The following KIF21B variants were observed in gnomAD, a reference collection of about 807,000 sequenced individuals.
KIF21B encodes the protein kinesin family member 21B.
A neutral mutation model predicts 192.9 loss-of-function variants in KIF21B; 85 were observed. The observed-to-expected ratio is 0.44, with a 90% CI of 0.37 to 0.53. The LOEUF (loss-of-function observed/expected upper bound fraction) is 0.53. KIF21B is among the 20% of genes least tolerant of loss of function. The pLI, the probability that KIF21B is intolerant of heterozygous loss-of-function variation, is 0.00. For missense variants in KIF21B, 1,716 were observed against 2,194.8 expected (o/e 0.78, Z 4.36); for synonymous variants, 832 against 884.6 (o/e 0.94, Z 1.05).
chr1:200,987,655 TC>T (rs1457403691), intron 24 of KIF21B, among the ~76,000 whole-genome samples: 1 of 152,262 alleles, frequency 6.6e-6, no homozygotes, highest in African/African-American at 2.4e-5. Flanking sequence ...TCTTATGGTT[TC>T]TGGAGAATCC....
At position 200,979,693 on chromosome 1, in the gene KIF21B, G is replaced by C. The variant is rs1170544715; in HGVS notation, c.4002C>G (p.Asn1334Lys). 3.2e-6 allele frequency: 5 copies of C among 1,542,570 alleles called. No homozygotes were observed. The highest frequency in any genetic ancestry group is 4.4e-6 in the Non-Finnish European group (5 of 1,141,744). ...GSKDRSCKMW[N>K]LVTGQEIAAL... ...CTGCGATCTCCTGTCCCGTAACCAA[G>C]TTCCACATCTTGCAGCTTCGGTCTG... The change falls in exon 30 of 35, where the codon AAC becomes AAG. Residue 1334 changes from asparagine to lysine, a missense_variant. By Grantham distance (94) the Asn-to-Lys change is moderately conservative. Transcript: ENST00000461742.
rs1376585830 is a variant in KIF21B, at chr1:200,975,550, G to A, written c.4563C>T (p.Ser1521=). Residue 1521 remains serine (S), a synonymous_variant, in exon 33 of 35, where the codon TCC becomes TCT. Transcript: ENST00000461742. The surrounding 1 kb of genome is among the most constrained non-coding windows in gnomAD (Gnocchi z 4.3). ...AIQGDILFSG[S]RDNGIKKWDL... ...CCCACTTCTTGATGCCGTTATCTCG[G>A]GAGCCACTGAACAGGATGTCTCCCT... The A allele has an allele frequency of 6.2e-7, 1 of 1,613,786 alleles. No homozygotes were observed. The highest frequency in any genetic ancestry group is 8.5e-7 in the Non-Finnish European group (1 of 1,179,824).
intron 8 of KIF21B, 70 bp downstream of exon 8, chr1:201,003,516 C>T (rs1179444932): frequency 5.3e-6 from 8 of 1,508,248 alleles, no homozygotes; most frequent in Non-Finnish European, 6.4e-6. Flanking sequence ...GGTGAGGCTG[C>T]AGGGCAGAGG....
intron 1 of KIF21B, among the ~76,000 whole-genome samples, chr1:201,021,889 C>G (rs1658850126): frequency 6.6e-6 from 1 of 152,164 alleles, no homozygotes; most frequent in Non-Finnish European, 1.5e-5. Flanking sequence ...ACTCCCACCC[C>G]CCAGCCATGC....
chr1:200,979,404 A>C, intron 30 of KIF21B, 131 bp downstream of exon 30: 1 of 599,778 alleles, frequency 1.7e-6, no homozygotes, highest in East Asian at 3.3e-5. Context: ...CCAAGTTCAT[A>C]GGCTGGTAAT....
intron 30 of KIF21B, among the ~76,000 whole-genome samples, 158 bp downstream of exon 30, chr1:200,979,377 T>C (rs1655766266): frequency 6.6e-6 from 1 of 152,208 alleles, no homozygotes; most frequent in African/African-American, 2.4e-5. Flanking sequence ...GATCTCACCT[T>C]GTACCCCAGG....
At chr1:201,009,637 A>C (rs1029020343) in intron 1 of KIF21B, 149 bp from the exon 2 acceptor site, 15 of 647,790 alleles carry the variant, frequency 2.3e-5, no homozygotes, top group Non-Finnish European at 3.2e-5. Context: ...GACATGGGCA[A>C]CTTTTGTAAT....
rs746319254 is a variant in KIF21B at position 200,990,997 on chromosome 1, G to A, written c.2607C>T (p.Ile869=). ...TGATTTTGCGGTTCCACTGGCGCACGATGCTGGAGACAGAGCGGGCCCCTG... is the reference window on the plus strand; with the variant it reads ...TGATTTTGCGGTTCCACTGGCGCACAATGCTGGAGACAGAGCGGGCCCCTG... ...AESGARSVSS[I]VRQWNRKINH... is the part of the protein sequence containing the mutation. The change falls in exon 18 of 35, where the codon ATC becomes ATT. Residue 869 remains isoleucine, a synonymous_variant. Coordinates refer to ENST00000461742, the MANE Select transcript of KIF21B (RefSeq NM_001252102.2). The surrounding 1 kb of genome is among the most constrained non-coding windows in gnomAD (Gnocchi z 5.4). 1.5e-5 allele frequency: 25 copies of A among 1,614,072 alleles called. No individual in the cohort carries two copies. The highest frequency in any genetic ancestry group is 1.0e-4 in the Admixed American group (6 of 60,002).
chr1:201,005,773 T>C (rs1347457290), intron 3 of KIF21B, 79 bp from the exon 4 acceptor site: 5 of 1,437,436 alleles, frequency 3.5e-6, no homozygotes, highest in Non-Finnish European at 4.8e-6. Flanking sequence ...ATAAACCATA[T>C]CTGTTTTACA....
chr1:200,988,699 G>T, intron 22 of KIF21B, 67 bp downstream of exon 22: 1 of 1,551,292 alleles, frequency 6.4e-7, no homozygotes, highest in Non-Finnish European at 8.7e-7. Context: ...AGGGCCTTGT[G>T]GGGGTCTGAG....
chr1:201,023,465 G>A lies in KIF21B; in HGVS notation c.-82C>T, dbSNP rs1658989575. 4 of 1,081,002 alleles carry A rather than the reference G, an allele frequency of 3.7e-6. No homozygotes were observed. The highest frequency in any genetic ancestry group is 4.8e-6 in the Non-Finnish European group (4 of 840,362). The allele number at this position is 1,081,002 out of a possible 1,614,324, so 67.0% of individuals were successfully genotyped here. On this transcript the variant is annotated 5_prime_UTR_variant, in exon 1 of 35. Coordinates refer to ENST00000461742, the MANE Select transcript of KIF21B (RefSeq NM_001252102.2). The surrounding 1 kb of genome is among the most constrained non-coding windows in gnomAD (Gnocchi z 5.9). ...GCCCGAGGCAGCGGCTGCGGCTGCG[G>A]GAGGCGGGGGCGCGGGCGCGGCTGG...
In KIF21B at chr1:201,005,913, A is replaced by AAC. The variant is rs765857466; in HGVS notation, c.448-220_448-219insGT. Among the ~76,000 whole-genome samples, 548 of 152,316 alleles carry AAC rather than the reference A, an allele frequency of 3.6e-3. 1 individual carries two copies. Among genetic ancestry groups the AAC allele is most frequent in the South Asian group, 6.8e-3 (33 of 4,824 alleles). On this transcript the variant is annotated intron_variant, in intron 3 of 34. Coordinates refer to ENST00000461742, the MANE Select transcript of KIF21B (RefSeq NM_001252102.2). ...GGCTGCACACTGTTCCTCATTCCCT[A>AAC]AGGAACCAGCAGCCAGCAGCTCGGT...
intron 15 of KIF21B, among the ~76,000 whole-genome samples, chr1:200,995,787 G>A (rs1331290349): frequency 2.6e-5 from 4 of 152,238 alleles, no homozygotes; most frequent in African/African-American, 9.6e-5. Flanking sequence ...CATAGTAAAT[G>A]TTCAAACGAT....
rs1657279201 is a variant in KIF21B, at chr1:200,999,017, A to G, written c.1885+332T>C. On this transcript the variant is annotated intron_variant, in intron 13 of 34. Coordinates refer to ENST00000461742, the MANE Select transcript of KIF21B (RefSeq NM_001252102.2). This position sits in a 1 kb window ranked among gnomAD's most constrained non-coding sequence, Gnocchi z 4.7. ...AGGCCTACATTCATGTTTGCTCTGC[A>G]TGGACCACACTGGGGAAGGTCACTA... 1.3e-5 allele frequency among the ~76,000 whole-genome samples: 2 copies of G among 152,160 alleles called. No individual in the cohort carries two copies. Among genetic ancestry groups the G allele is most frequent in the South Asian group, 2.1e-4 (1 of 4,836 alleles).
Position 201,012,178 on chromosome 1 carries a change from G to A in KIF21B, c.42-2690C>T, listed in dbSNP as rs564324135. ...AGGGTCTTTGTGGTCAGAAAGAGAC[G>A]TCCAGCCCAATGCTGGTCCACTCTT... On this transcript the variant is annotated intron_variant, in intron 1 of 34. Transcript: ENST00000461742. 1.1e-4 allele frequency among the ~76,000 whole-genome samples: 16 copies of A among 152,280 alleles called. No individual in the cohort carries two copies. In the East Asian group the frequency reaches 2.5e-3, roughly 24 times the overall value.
intron 28 of KIF21B, 47 bp downstream of exon 28, chr1:200,983,009 C>T (rs188527959): frequency 3.2e-5 from 49 of 1,511,742 alleles, no homozygotes; most frequent in South Asian, 1.6e-4. Flanking sequence ...GAGAGGGTGC[C>T]GAGAGTGAGA....
Position 200,983,114 on chromosome 1 carries a change from A to G in KIF21B, c.3804-20T>C, listed in dbSNP as rs1558001457. 6.5e-7 allele frequency: 1 copy of G among 1,535,546 alleles called. No homozygotes were observed. Among genetic ancestry groups the G allele is most frequent in the East Asian group, 2.4e-5 (1 of 40,918 alleles). On this transcript the variant is annotated intron_variant, in intron 27 of 34. Transcript: ENST00000461742. ...TCAGACCTGGGGAGGGCAGAAAATT[A>G]GCTGGATTAGGGGGTGAGAGGAGAC...
At chr1:200,988,966 C>T (rs758216689) in intron 21 of KIF21B, 35 bp from the exon 22 acceptor site, 3 of 1,578,334 alleles carry the variant, frequency 1.9e-6, no homozygotes, top group Non-Finnish European at 2.6e-6. Context: ...AGTTACCCCT[C>T]CTGGGGGTTG....
In KIF21B at chr1:201,023,582, G is replaced by C. The variant is rs189297674; in HGVS notation, c.-199C>G. 3.4e-3 allele frequency: 532 copies of C among 155,874 alleles called. 3 individuals carry two copies. The highest frequency in any genetic ancestry group is 5.8e-3 in the Non-Finnish European group (422 of 72,516). The allele number at this position is 155,874 out of a possible 1,614,324, so 9.7% of individuals were successfully genotyped here. On this transcript the variant is annotated 5_prime_UTR_variant, in exon 1 of 35. Transcript: ENST00000461742. The surrounding 1 kb of genome is among the most constrained non-coding windows in gnomAD (Gnocchi z 5.9). Reference sequence around the variant, plus strand: ...CGGCCGGCCCCCCGGGGCTGGGCCCGCGCGCCTCCTCGCGCCATCGGGCGG... The same window carrying C: ...CGGCCGGCCCCCCGGGGCTGGGCCCCCGCGCCTCCTCGCGCCATCGGGCGG...
Sources: allele counts gnomAD v4.1 joint callset (sites outside exome capture counted in the v4.1 genomes callset), GRCh38; gene constraint gnomAD v4.1.1; non-coding constraint Gnocchi (gnomAD v3.1); transcripts MANE v1.5; gene names NCBI Gene and HGNC (gene_info 2026-07-23, HGNC 2026-07-21).